CCNK: variants seen among roughly 807,000 people sequenced by gnomAD.
CCNK encodes the protein cyclin-K.
A neutral mutation model predicts 65.0 loss-of-function variants in CCNK; 9 were observed. The observed-to-expected ratio is 0.14, with a 90% confidence interval of 0.08 to 0.24. The LOEUF is 0.24. Ranked by LOEUF, CCNK falls within the 10% of genes least tolerant of loss-of-function variation. The pLI is 1.00. For synonymous variants in CCNK, 279 were observed against 270.8 expected (o/e 1.03, Z -0.30); for missense variants, 474 against 720.0 (o/e 0.66, Z 3.91).
intron 4 of CCNK, among the ~76,000 whole-genome samples, chr14:99,497,048 CG>C (rs1166747736): frequency 2.0e-5 from 3 of 150,128 alleles, no homozygotes; most frequent in Non-Finnish European, 3.0e-5. Context: ...AGCATCCCCC[CG>C]ACCAAAGTGG....
chr14:99,482,274 C>A (rs529396670), intron 1 of CCNK, among the ~76,000 whole-genome samples: 42 of 152,344 alleles, frequency 2.8e-4, no homozygotes, highest in Non-Finnish European at 5.9e-4. Context: ...GTTTGTGTAT[C>A]TCGATCTAAA....
rs143798838 is a variant in CCNK at position 99,481,453 on chromosome 14, C to A, written c.-79C>A. On this transcript the variant is annotated 5_prime_UTR_variant, in exon 1 of 11. Transcript: ENST00000389879. Reference sequence around the variant, plus strand: ...GGCCGCAGTCGGCAAGGAGAGACGTCGCTGAGGGGCTTGCCTGAAGCGAGG... The same window carrying A: ...GGCCGCAGTCGGCAAGGAGAGACGTAGCTGAGGGGCTTGCCTGAAGCGAGG... 2.5e-6 allele frequency: 1 copy of A among 398,598 alleles called. No individual in the cohort carries two copies. The highest frequency in any genetic ancestry group is 4.4e-6 in the Non-Finnish European group (1 of 226,116). 24.7% of individuals were successfully genotyped at this position (398,598 alleles called of 1,614,324 possible). A position where few individuals can be genotyped will look rare whatever the true frequency, so the allele number is the denominator to read the frequency against.
rs927528222 is a variant in CCNK at position 99,481,460 on chromosome 14, G to A, written c.-72G>A. On this transcript the variant is annotated 5_prime_UTR_variant, in exon 1 of 11. Coordinates refer to ENST00000389879, the MANE Select transcript of CCNK (RefSeq NM_001099402.2). ...GTCGGCAAGGAGAGACGTCGCTGAG[G>A]GGCTTGCCTGAAGCGAGGGGTGAGT... is the stretch of plus-strand genomic sequence containing the variant. 17 of 398,722 alleles carry A rather than the reference G, an allele frequency of 4.3e-5. No homozygotes were observed. In the East Asian group the frequency reaches 6.1e-4, roughly 14 times the overall value. 24.7% of individuals were successfully genotyped at this position (398,722 alleles called of 1,614,324 possible).
intron 1 of CCNK, among the ~76,000 whole-genome samples, chr14:99,486,693 A>G (rs796679072): frequency 7.2e-5 from 11 of 152,324 alleles, no homozygotes; most frequent in African/African-American, 2.6e-4. Flanking sequence ...ACTTGAAATC[A>G]TCTTTTTCCA....
chr14:99,501,130 C>T, intron 5 of CCNK: 1 of 602,514 alleles, frequency 1.7e-6, no homozygotes, highest in African/African-American at 1.9e-5. Context: ...GACTAATAAA[C>T]TTAGCCTTGG....
chr14:99,510,895 A>G lies in CCNK; in HGVS notation c.*113A>G. The G allele has an allele frequency of 1.1e-6, 1 of 901,308 alleles. No homozygotes were observed. The highest frequency in any genetic ancestry group is 1.5e-6 in the Non-Finnish European group (1 of 668,344). 55.8% of individuals were successfully genotyped at this position (901,308 alleles called of 1,614,324 possible). Reference sequence around the variant, plus strand: ...TTGTATAATGCACGACAGTTGCAGTATGGGAAGAATGGACCGGGCCCCTGG... The same window carrying G: ...TTGTATAATGCACGACAGTTGCAGTGTGGGAAGAATGGACCGGGCCCCTGG... On this transcript the variant is annotated 3_prime_UTR_variant, in exon 11 of 11. Transcript: ENST00000389879.
intron 3 of CCNK, chr14:99,494,668 G>C (rs1256794529): frequency 1.3e-5 from 2 of 152,236 alleles, no homozygotes; most frequent in Admixed American, 1.3e-4. Context: ...CAGTGATATA[G>C]GGACTGAGCT....
intron 3 of CCNK, 38 bp downstream of exon 3, chr14:99,493,633 G>A: frequency 7.4e-7 from 1 of 1,352,330 alleles, no homozygotes; most frequent in Non-Finnish European, 1.1e-6. Flanking sequence ...TCTGTCATAT[G>A]TTATTATTTC....
At chr14:99,490,801 G>A (rs915766545) in intron 1 of CCNK, among the ~76,000 whole-genome samples, 6 of 151,822 alleles carry the variant, frequency 4.0e-5, no homozygotes, top group Admixed American at 1.3e-4. Flanking sequence ...GGTGGCGGGC[G>A]CCTGTAGTCC....
At position 99,510,284 on chromosome 14, in the gene CCNK, G is replaced by A. The variant is rs570991146; in HGVS notation, c.1245G>A (p.Pro415=). 6.6e-5 allele frequency: 57 copies of A among 858,290 alleles called. 1 individual carries two copies. Among genetic ancestry groups the A allele is most frequent in the South Asian group, 4.4e-4 (24 of 54,342 alleles). The allele number at this position is 858,290 out of a possible 1,614,324, so 53.2% of individuals were successfully genotyped here. A position where few individuals can be genotyped will look rare whatever the true frequency, so the allele number is the denominator to read the frequency against. Residue 415 remains proline, a synonymous_variant, in exon 11 of 11, where the codon CCG becomes CCA. Coordinates refer to ENST00000389879, the MANE Select transcript of CCNK (RefSeq NM_001099402.2). ...CGGCCCCTGTGCACCAGCCACCGCCGCTGCCACACCGGCCCCCGCCCCCAC... is the reference window on the plus strand; with the variant it reads ...CGGCCCCTGTGCACCAGCCACCGCCACTGCCACACCGGCCCCCGCCCCCAC... ...AHPAPVHQPP[P]LPHRPPPPPP...
At chr14:99,489,135 A>T (rs1318087791) in intron 1 of CCNK, among the ~76,000 whole-genome samples, 1 of 152,012 alleles carries the variant, frequency 6.6e-6, no homozygotes, top group Non-Finnish European at 1.5e-5. Context: ...ACATATATAT[A>T]TATTTTTTTT....
At chr14:99,503,093 G>C in intron 8 of CCNK, 109 bp downstream of exon 8, 1 of 1,285,256 alleles carries the variant, frequency 7.8e-7, no homozygotes, top group Non-Finnish European at 1.1e-6. Flanking sequence ...GAAGCAGGGG[G>C]TGTTCGCCGA....
chr14:99,508,409 T>G (rs1243692332), intron 10 of CCNK: 1 of 152,284 alleles, frequency 6.6e-6, no homozygotes, highest in Admixed American at 6.5e-5. Flanking sequence ...GGGCACTGAG[T>G]AGCTGCTGTG....
chr14:99,498,851 A>G (rs913099348), intron 4 of CCNK, among the ~76,000 whole-genome samples: 9 of 152,148 alleles, frequency 5.9e-5, no homozygotes, highest in African/African-American at 2.2e-4. Context: ...AAAGACCTAT[A>G]ATGACCCCAT....
rs2069492 is a variant in CCNK, at chr14:99,495,493, T to C, written c.280-5T>C. 892,139 of 1,603,206 alleles carry C rather than the reference T, an allele frequency of 0.56. 252,622 individuals are homozygous for C. The highest frequency in any genetic ancestry group is 0.59 in the Non-Finnish European group (693,573 of 1,176,164). On this transcript the variant is annotated splice_polypyrimidine_tract_variant and splice_region_variant and intron_variant, in intron 3 of 10. Transcript: ENST00000389879. Reference sequence around the variant, plus strand: ...AAAAATCAAGAACTTTTGTTTCCCTTTTAGGTGACAGGAGCCTGTTGCCTC... The same window carrying C: ...AAAAATCAAGAACTTTTGTTTCCCTCTTAGGTGACAGGAGCCTGTTGCCTC...
intron 4 of CCNK, among the ~76,000 whole-genome samples, chr14:99,496,867 TGC>T (rs1896712175): frequency 6.6e-6 from 1 of 150,554 alleles, no homozygotes; most frequent in Non-Finnish European, 1.5e-5. Flanking sequence ...GAGCCAAGAT[TGC>T]GCTACTGCAC....
At chr14:99,486,551 A>G (rs1896490298) in intron 1 of CCNK, among the ~76,000 whole-genome samples, 2 of 152,212 alleles carry the variant, frequency 1.3e-5, no homozygotes, top group Admixed American at 1.3e-4. Context: ...AGATATTTCC[A>G]CAAAAGGATC....
chr14:99,499,562 C>A (rs1268217162), intron 4 of CCNK, among the ~76,000 whole-genome samples: 1 of 152,148 alleles, frequency 6.6e-6, no homozygotes, highest in Non-Finnish European at 1.5e-5. Context: ...TCTACAACGC[C>A]CTGTCTTTGA....
At chr14:99,503,756 T>C (rs897716013) in intron 9 of CCNK, 112 bp downstream of exon 9, 1 of 892,914 alleles carries the variant, frequency 1.1e-6, no homozygotes, top group Non-Finnish European at 1.7e-6. Flanking sequence ...ATCTTAACTT[T>C]AGAGCTCATA....
Sources: allele counts gnomAD v4.1 joint callset (sites outside exome capture counted in the v4.1 genomes callset), GRCh38; gene constraint gnomAD v4.1.1; transcripts MANE v1.5; gene names NCBI Gene and HGNC (gene_info 2026-07-23, HGNC 2026-07-21).